MAP4: variants seen among roughly 807,000 people sequenced by gnomAD.
MAP4 encodes microtubule-associated protein 4.
A neutral mutation model predicts 170.2 loss-of-function variants in MAP4; 76 were observed. That is an observed-to-expected ratio of 0.45 (90% CI 0.37 to 0.54). The LOEUF is 0.54. MAP4 is among the 20% of genes least tolerant of loss of function. The pLI, the probability that MAP4 is intolerant of heterozygous loss-of-function variation, is 0.00. For missense variants in MAP4, 2,506 were observed against 2,748.0 expected (o/e 0.91, Z 1.97); for synonymous variants, 909 against 994.5 (o/e 0.91, Z 1.62).
intron 6 of MAP4, among the ~76,000 whole-genome samples, chr3:47,917,746 T>TTAGTATTTTTG (rs2100040566): frequency 6.6e-6 from 1 of 152,052 alleles, no homozygotes; most frequent in Non-Finnish European, 1.5e-5. Context: ...GCTTCAAAAA[T>TTAGTATTTTTG]AACACGGGCA....
chr3:47,967,371 G>T (rs2100075729), intron 3 of MAP4, among the ~76,000 whole-genome samples: 1 of 151,714 alleles, frequency 6.6e-6, no homozygotes, highest in African/African-American at 2.4e-5. Flanking sequence ...AACACATTTA[G>T]GCTGGGTGCA....
chr3:47,871,870 C>G, intron 13 of MAP4, 47 bp downstream of exon 13: 1 of 1,548,260 alleles, frequency 6.5e-7, no homozygotes, highest in Non-Finnish European at 8.8e-7. Context: ...AGCCAAGATC[C>G]CATTTTCCCC....
intron 3 of MAP4, among the ~76,000 whole-genome samples, chr3:47,936,109 G>A (rs932094557): frequency 6.6e-6 from 1 of 151,574 alleles, no homozygotes; most frequent in Non-Finnish European, 1.5e-5. Context: ...GGGAGAAAGA[G>A]GAGGGTGGGA....
At chr3:47,879,058 C>T (rs1242028250) in intron 10 of MAP4, among the ~76,000 whole-genome samples, 1 of 151,968 alleles carries the variant, frequency 6.6e-6, no homozygotes, top group Non-Finnish European at 1.5e-5. Context: ...TACACACCAG[C>T]CAAATAGTAA....
intron 1 of MAP4, among the ~76,000 whole-genome samples, chr3:48,005,366 A>G (rs1559778130): frequency 1.3e-5 from 2 of 152,100 alleles, no homozygotes; most frequent in Non-Finnish European, 2.9e-5. Flanking sequence ...TCTAAGAAAA[A>G]AAAAAGAACT....
At chr3:47,903,684 T>C (rs2100031401) in intron 9 of MAP4, among the ~76,000 whole-genome samples, 1 of 152,046 alleles carries the variant, frequency 6.6e-6, no homozygotes, top group South Asian at 2.1e-4. Flanking sequence ...CATGAAAAAA[T>C]AACAGTAGAG....
At chr3:47,906,084 C>CA (rs536980998) in intron 9 of MAP4, among the ~76,000 whole-genome samples, 16,520 of 129,276 alleles carry the variant, frequency 0.13, 1,704 homozygotes, top group African/African-American at 0.3. Context: ...TACACATAAC[C>CA]AAAAAAAAAA....
chr3:47,882,043 C>T (rs972227573), intron 10 of MAP4, among the ~76,000 whole-genome samples: 2 of 152,204 alleles, frequency 1.3e-5, no homozygotes, highest in Non-Finnish European at 2.9e-5. Flanking sequence ...CTTTGGGAGG[C>T]CGAGGTGGGC....
chr3:47,896,025 CAAGAAGT>C (rs964980361), intron 10 of MAP4, among the ~76,000 whole-genome samples: 1 of 151,974 alleles, frequency 6.6e-6, no homozygotes, highest in Non-Finnish European at 1.5e-5. Flanking sequence ...GCGGTCAGAA[CAAGAAGT>C]TCAAGCCCAT....
chr3:47,866,138 G>A (rs1028792963), intron 17 of MAP4, among the ~76,000 whole-genome samples: 1 of 151,530 alleles, frequency 6.6e-6, no homozygotes, highest in Non-Finnish European at 1.5e-5. Flanking sequence ...GGAGTTCAAG[G>A]CCAGCCTGGC....
chr3:47,942,907 G>A (rs1319614248), intron 3 of MAP4, among the ~76,000 whole-genome samples: 2 of 152,056 alleles, frequency 1.3e-5, no homozygotes, highest in African/African-American at 4.8e-5. Flanking sequence ...CCCAGGCATT[G>A]GAGACCAGCT....
At chr3:47,939,390 C>A (rs1359796511) in intron 3 of MAP4, among the ~76,000 whole-genome samples, 1 of 152,124 alleles carries the variant, frequency 6.6e-6, no homozygotes, top group African/African-American at 2.4e-5. Context: ...TGTGCTTTTA[C>A]TACTTTTATT....
At chr3:47,959,849 A>T (rs1036066983) in intron 3 of MAP4, among the ~76,000 whole-genome samples, 2 of 151,976 alleles carry the variant, frequency 1.3e-5, no homozygotes, top group African/African-American at 4.8e-5. Flanking sequence ...AGATGAATAT[A>T]AATGGAGTTT....
At chr3:47,906,353 G>GA (rs1361624007) in intron 9 of MAP4, among the ~76,000 whole-genome samples, 1 of 152,028 alleles carries the variant, frequency 6.6e-6, no homozygotes, top group African/African-American at 2.4e-5. Flanking sequence ...TATTTCTAAT[G>GA]AAAAAAAGTT....
At chr3:47,862,444 T>C (rs1235386105) in intron 17 of MAP4, among the ~76,000 whole-genome samples, 1 of 151,670 alleles carries the variant, frequency 6.6e-6, no homozygotes, top group African/African-American at 2.4e-5. Flanking sequence ...TATTATCTTA[T>C]TAGTGTTACT....
intron 5 of MAP4, among the ~76,000 whole-genome samples, chr3:47,920,381 ACAGG>A (rs2100042139): frequency 6.6e-6 from 1 of 152,054 alleles, no homozygotes; most frequent in Admixed American, 6.6e-5. Flanking sequence ...TGCTGGGATT[ACAGG>A]CATGAGCCAT....
chr3:48,065,135 AAAAAG>A (rs1036754003), intron 1 of MAP4, among the ~76,000 whole-genome samples: 86 of 152,190 alleles, frequency 5.7e-4, no homozygotes, highest in African/African-American at 2.0e-3. Flanking sequence ...GTCTCTTAAA[AAAAAG>A]AAAAGTCTAT....
At chr3:47,945,207 C>T (rs1290941334) in intron 3 of MAP4, among the ~76,000 whole-genome samples, 1 of 151,836 alleles carries the variant, frequency 6.6e-6, no homozygotes, top group Non-Finnish European at 1.5e-5. Context: ...CAAAAATTAG[C>T]CAGGCATGGT....
intron 3 of MAP4, among the ~76,000 whole-genome samples, chr3:47,976,260 G>T (rs544509259): frequency 6.6e-6 from 1 of 152,146 alleles, no homozygotes; most frequent in East Asian, 1.9e-4. Context: ...AGGGAATCCT[G>T]AAACAGTGAG....
Sources: gnomAD v4.1 joint callset for allele counts (sites outside exome capture counted in the v4.1 genomes callset) on GRCh38, gnomAD v4.1.1 for gene constraint, MANE v1.5 for transcripts, NCBI Gene and HGNC (gene_info 2026-07-23, HGNC 2026-07-21) for gene names.